The following TSPEAR variants were observed in gnomAD, a reference collection of about 807,000 sequenced individuals.
TSPEAR encodes the protein thrombospondin-type laminin G domain and EAR repeat-containing protein.
A neutral mutation model predicts 71.6 loss-of-function variants in TSPEAR; 69 were observed. That is an observed-to-expected ratio of 0.96 (90% confidence interval 0.79 to 1.18). The LOEUF (loss-of-function observed/expected upper bound fraction) is 1.18, where lower values mean the gene tolerates loss of function less well. TSPEAR is among the 50% of genes most tolerant of loss of function. TSPEAR has a pLI of 0.00. For missense variants in TSPEAR, 971 were observed against 894.9 expected (o/e 1.09, Z -1.09); for synonymous variants, 402 against 387.2 (o/e 1.04, Z -0.45).
intron 7 of TSPEAR, among the ~76,000 whole-genome samples, chr21:44,526,487 A>G (rs2052857900): frequency 6.7e-6 from 1 of 148,988 alleles, no homozygotes. Flanking sequence ...TTATGATGTC[A>G]TCAATCAAAA....
At chr21:44,554,633 G>C (rs2053497227) in intron 2 of TSPEAR, among the ~76,000 whole-genome samples, 1 of 152,206 alleles carries the variant, frequency 6.6e-6, no homozygotes, top group African/African-American at 2.4e-5. Flanking sequence ...ATACTTTACT[G>C]CATGCTAGTG....
At chr21:44,657,652 C>T (rs1188663809) in intron 1 of TSPEAR, among the ~76,000 whole-genome samples, 2 of 152,174 alleles carry the variant, frequency 1.3e-5, no homozygotes, top group Non-Finnish European at 2.9e-5. Context: ...CAACGGGATT[C>T]GGTACTTTGA....
At chr21:44,637,356 C>A in intron 1 of TSPEAR, 1 of 1,563,180 alleles carries the variant, frequency 6.4e-7, no homozygotes, top group Non-Finnish European at 8.7e-7. Context: ...CTCACACACA[C>A]ACTCACTCAC....
chr21:44,573,303 C>CT (rs1978290828), intron 1 of TSPEAR, among the ~76,000 whole-genome samples: 1 of 151,606 alleles, frequency 6.6e-6, no homozygotes, highest in African/African-American at 2.4e-5. Flanking sequence ...CTCCCCATAG[C>CT]CTGGCACACA....
At chr21:44,646,866 C>G in intron 1 of TSPEAR, 3 of 1,578,060 alleles carry the variant, frequency 1.9e-6, no homozygotes, top group Non-Finnish European at 2.6e-6. Context: ...AGCCAGCTTG[C>G]TGTGCCTCTT....
intron 11 of TSPEAR, among the ~76,000 whole-genome samples, chr21:44,500,780 C>T (rs1157945222): frequency 6.6e-6 from 1 of 152,146 alleles, no homozygotes; most frequent in Non-Finnish European, 1.5e-5. Context: ...ATATTTATAT[C>T]TTTTGTCCAT....
At chr21:44,615,971 C>T (rs1982066528) in intron 1 of TSPEAR, among the ~76,000 whole-genome samples, 1 of 152,244 alleles carries the variant, frequency 6.6e-6, no homozygotes, top group Non-Finnish European at 1.5e-5. Flanking sequence ...ACGCCAAAGC[C>T]ACTGTCAGGA....
chr21:44,517,484 G>A (rs1381494164), intron 9 of TSPEAR: 16 of 292,916 alleles, frequency 5.5e-5, no homozygotes, highest in African/African-American at 3.1e-4. Flanking sequence ...AGCTAGGCTG[G>A]GTCATATGAC....
intron 1 of TSPEAR, among the ~76,000 whole-genome samples, chr21:44,667,228 C>T (rs1985832438): frequency 6.6e-6 from 1 of 152,102 alleles, no homozygotes; most frequent in Admixed American, 6.6e-5. Flanking sequence ...CTCAGATCTC[C>T]AGATTTTTTT....
chr21:44,515,069 T>G lies in TSPEAR; in HGVS notation c.1567-5683A>C, dbSNP rs372954386. 1.1e-3 allele frequency among the ~76,000 whole-genome samples: 174 copies of G among 152,236 alleles called. 5 individuals are homozygous for G. The South Asian group carries it at 0.033, about 29-fold the overall frequency. ...CCCCTCCAGAAAGGGCGCCTCTCTA[T>G]GGCACACACCCACTTTCAAAGCATC... On this transcript the variant is annotated intron_variant, in intron 9 of 11. Coordinates refer to ENST00000323084, the MANE Select transcript of TSPEAR (RefSeq NM_144991.3).
At chr21:44,542,742 T>TAAAAAAAAAAAAAAAAAAAAAAAAAAA (rs11404148) in intron 2 of TSPEAR, among the ~76,000 whole-genome samples, 1 of 120,024 alleles carries the variant, frequency 8.3e-6, no homozygotes. Context: ...AGAGACCTGT[T>TAAAAAAAAAAAAAAAAAAAAAAAAAAA]AAAAAAAAAA....
intron 1 of TSPEAR, among the ~76,000 whole-genome samples, chr21:44,703,565 G>A (rs1466136968): frequency 3.3e-5 from 5 of 152,206 alleles, no homozygotes; most frequent in African/African-American, 9.6e-5. Flanking sequence ...GGGCTGGGGT[G>A]GGGCCTCCCT....
intron 1 of TSPEAR, among the ~76,000 whole-genome samples, chr21:44,694,747 A>C (rs1330278777): frequency 2.0e-5 from 3 of 152,244 alleles, no homozygotes; most frequent in African/African-American, 7.2e-5. Flanking sequence ...GCCTATCATG[A>C]AAATAATGCA....
rs1303947217 is a variant in TSPEAR, at chr21:44,504,847, C to A, written c.1789G>T (p.Asp597Tyr). The A allele has an allele frequency of 2.5e-6, 4 of 1,613,144 alleles. No homozygotes were observed. The African/African-American group carries it at 5.4e-5, about 22-fold the overall frequency. ...LDWEFFSVGE[D>Y]YFLVVANSFD... is the part of the protein sequence containing the mutation. ...GAGTTGGCCACCACCAGGAAATAAT[C>A]TTCTCCCACCGAGAAAAACTCCCAG... The change falls in exon 11 of 12, where the codon GAT (aspartate) becomes TAT (tyrosine). Residue 597 changes from aspartate (D) to tyrosine (Y), a missense_variant. By Grantham distance (160) the Asp-to-Tyr change is radical (BLOSUM62 -3). Transcript: ENST00000323084.
intron 6 of TSPEAR, 139 bp downstream of exon 6, chr21:44,528,313 T>G (rs2052897675): frequency 8.1e-7 from 1 of 1,242,040 alleles, no homozygotes; most frequent in South Asian, 1.3e-5. Flanking sequence ...CTCTCACTCT[T>G]AGAAGTGCCC....
In TSPEAR at chr21:44,525,979, C is replaced by T. The variant is rs190323577; in HGVS notation, c.1150-140G>A. 1,899 of 768,742 alleles carry T rather than the reference C, an allele frequency of 2.5e-3. 21 individuals carry two copies. The African/African-American group carries it at 0.029, about 12-fold the overall frequency. 47.6% of individuals were successfully genotyped at this position (768,742 alleles called of 1,614,324 possible). The stretch of plus-strand genomic sequence containing the variant: ...TGCAGGGACAGAGGACCGAGGCCCC[C>T]GCATTACAGGTCATCATGGTGGGGT... On this transcript the variant is annotated intron_variant, in intron 7 of 11. Transcript: ENST00000323084.
chr21:44,590,854 T>C (rs1211081), intron 1 of TSPEAR, among the ~76,000 whole-genome samples: 66,852 of 137,066 alleles, frequency 0.49, 17,726 homozygotes, highest in African/African-American at 0.76. Flanking sequence ...CGGGGGGCCA[T>C]GTGCTGGGGT....
chr21:44,702,463 T>G lies in TSPEAR; in HGVS notation c.82+8970A>C, dbSNP rs868947042. 5.1e-5 allele frequency: 82 copies of G among 1,609,490 alleles called. 1 individual carries two copies. The African/African-American group carries it at 9.5e-4, about 19-fold the overall frequency. ...CTGCACCTCCTCCCCAAGCCAGCAGTCCTGCTGTGTGCCCGTCTGCTGCAA... is the reference window on the plus strand; with the variant it reads ...CTGCACCTCCTCCCCAAGCCAGCAGGCCTGCTGTGTGCCCGTCTGCTGCAA... On this transcript the variant is annotated intron_variant, in intron 1 of 11. Transcript: ENST00000323084.
In TSPEAR at chr21:44,612,940, C is replaced by T; in HGVS notation, c.83-44935G>A. 6.3e-7 allele frequency: 1 copy of T among 1,590,222 alleles called. No individual in the cohort carries two copies. The highest frequency in any genetic ancestry group is 1.7e-5 in the Admixed American group (1 of 59,546). On this transcript the variant is annotated intron_variant, in intron 1 of 11. Transcript: ENST00000323084. This position sits in a 1 kb window ranked among gnomAD's most constrained non-coding sequence, Gnocchi z 4.1. ...GGGCACGTCCCCCAGGGCCAGCCGG[C>T]TCCGGTCCTGTCCTGGGTTAAGTGG...
Sources: allele counts gnomAD v4.1 joint callset (sites outside exome capture counted in the v4.1 genomes callset), GRCh38; gene constraint gnomAD v4.1.1; non-coding constraint Gnocchi (gnomAD v3.1); transcripts MANE v1.5; gene names NCBI Gene and HGNC (gene_info 2026-07-23, HGNC 2026-07-21).